The following DOCK1 variants were observed in gnomAD, a reference collection of about 807,000 sequenced individuals.
The protein encoded by DOCK1 is dedicator of cytokinesis protein 1.
DOCK1 carries 138 observed loss-of-function variants against 262.7 expected under a neutral mutation model. That is an observed-to-expected ratio of 0.53 (90% CI 0.46 to 0.61). The LOEUF (loss-of-function observed/expected upper bound fraction) is 0.61, where lower values mean the gene tolerates loss of function less well. DOCK1 is among the 20% of genes least tolerant of loss of function. The pLI, the probability that DOCK1 is intolerant of heterozygous loss-of-function variation, is 0.00. For synonymous variants in DOCK1, 866 were observed against 867.4 expected (o/e 1.00, Z 0.03); for missense variants, 1,908 against 2,370.7 (o/e 0.80, Z 4.05).
Position 127,245,472 on chromosome 10 carries a change from C to T in DOCK1, c.2848-2536C>T, listed in dbSNP as rs80035292. Among the ~76,000 whole-genome samples, 1,247 of 152,266 alleles carry T rather than the reference C, an allele frequency of 8.2e-3. 18 individuals are homozygous for T. The highest frequency in any genetic ancestry group is 0.028 in the African/African-American group (1,166 of 41,536). On this transcript the variant is annotated intron_variant, in intron 27 of 51. Coordinates refer to ENST00000623213, the MANE Select transcript of DOCK1 (RefSeq NM_001290223.2). ...TCCCCATCGCAGTTAAACAAGGGGC[C>T]GCGTGGTTGCCTTCTCTGATATGCT... is the stretch of plus-strand genomic sequence containing the variant.
At chr10:127,322,095 T>A (rs2062557786) in intron 29 of DOCK1, among the ~76,000 whole-genome samples, 1 of 150,968 alleles carries the variant, frequency 6.6e-6, no homozygotes, top group Admixed American at 6.6e-5. Flanking sequence ...AGAGCGAGAC[T>A]CTGTCTCAGA....
chr10:127,119,023 C>T (rs1020353875), intron 25 of DOCK1, among the ~76,000 whole-genome samples: 2 of 149,028 alleles, frequency 1.3e-5, no homozygotes, highest in African/African-American at 4.9e-5. Flanking sequence ...GTCCTTTACT[C>T]TGGGGGCTCC....
intron 23 of DOCK1, among the ~76,000 whole-genome samples, chr10:127,076,239 T>A (rs200568450): frequency 6.6e-6 from 1 of 152,142 alleles, no homozygotes; most frequent in Non-Finnish European, 1.5e-5. Flanking sequence ...CGGTGGCTCG[T>A]GCCTGTAATC....
intron 1 of DOCK1, among the ~76,000 whole-genome samples, chr10:126,951,813 A>C (rs1234010726): frequency 5.9e-5 from 9 of 151,652 alleles, no homozygotes; most frequent in Non-Finnish European, 4.4e-5. Flanking sequence ...TTGGGTGTAC[A>C]CTGAGTAAAT....
chr10:127,280,035 A>ATATATATATATATATAT (rs2060894873), intron 29 of DOCK1, among the ~76,000 whole-genome samples: 2 of 59,788 alleles, frequency 3.3e-5, no homozygotes, highest in African/African-American at 1.5e-4. Context: ...TATATATATA[A>ATATATATATATATATAT]TTTTTTTTTT....
At chr10:127,039,915 A>G (rs2043906790) in intron 19 of DOCK1, among the ~76,000 whole-genome samples, 2 of 152,174 alleles carry the variant, frequency 1.3e-5, no homozygotes, top group South Asian at 2.1e-4. Flanking sequence ...ATGGTCTTAG[A>G]GAGAGGGTGG....
rs1013005877 is a variant in DOCK1 at position 127,451,624 on chromosome 10, G to A, written c.*197G>A. 7.4e-7 allele frequency: 1 copy of A among 1,349,886 alleles called. No homozygotes were observed. Among genetic ancestry groups the A allele is most frequent in the African/African-American group, 1.5e-5 (1 of 68,526 alleles). 83.6% of individuals were successfully genotyped at this position (1,349,886 alleles called of 1,614,324 possible). A position where few individuals can be genotyped will look rare whatever the true frequency, so the allele number is the denominator to read the frequency against. ...GCGTCATGGAGCAAGGTGGGTCTGG[G>A]AGGTAGATATGGGTCCGGGATGTGC... is the stretch of plus-strand genomic sequence containing the variant. On this transcript the variant is annotated 3_prime_UTR_variant, in exon 52 of 52. Transcript: ENST00000623213.
intron 4 of DOCK1, among the ~76,000 whole-genome samples, chr10:126,987,228 C>T (rs757159010): frequency 6.6e-6 from 1 of 152,152 alleles, no homozygotes; most frequent in Non-Finnish European, 1.5e-5. Context: ...CAGACCTTGA[C>T]ATTCTGTAGA....
intron 25 of DOCK1, among the ~76,000 whole-genome samples, chr10:127,116,540 A>G (rs540988505): frequency 6.6e-6 from 1 of 152,264 alleles, no homozygotes; most frequent in South Asian, 2.1e-4. Flanking sequence ...TATATCTCAA[A>G]AATTACCCTA....
chr10:127,239,011 A>G (rs2059169576), intron 27 of DOCK1, among the ~76,000 whole-genome samples: 1 of 152,224 alleles, frequency 6.6e-6, no homozygotes, highest in Non-Finnish European at 1.5e-5. Flanking sequence ...GGGTGGAAGT[A>G]GAACCTCAGT....
rs1317939234 is a variant in DOCK1 at position 127,390,025 on chromosome 10, A to G, written c.3927+5116A>G. Among the ~76,000 whole-genome samples the G allele has an allele frequency of 1.0e-4, 15 of 149,008 alleles. No homozygotes were observed. In the East Asian group the frequency reaches 2.4e-3, roughly 23 times the overall value. On this transcript the variant is annotated intron_variant, in intron 38 of 51. Coordinates refer to ENST00000623213, the MANE Select transcript of DOCK1 (RefSeq NM_001290223.2). The stretch of plus-strand genomic sequence containing the variant: ...ACTCTGTCTCAAACAAAAAAAAAAA[A>G]GAGGGGCTGTGAGACCTCCCTGCCT...
intron 1 of DOCK1, among the ~76,000 whole-genome samples, chr10:126,963,644 T>C (rs1416100752): frequency 1.2e-3 from 79 of 64,940 alleles, no homozygotes; most frequent in Admixed American, 2.5e-3. Context: ...CCTTCCCTCC[T>C]TCCTTCCTTC....
At chr10:127,111,153 T>A (rs1439797009) in intron 25 of DOCK1, among the ~76,000 whole-genome samples, 1 of 152,246 alleles carries the variant, frequency 6.6e-6, no homozygotes, top group African/African-American at 2.4e-5. Flanking sequence ...GATGTCCCTG[T>A]TAAGTTACGG....
chr10:127,078,578 G>A (rs1212830013), intron 23 of DOCK1, among the ~76,000 whole-genome samples: 9 of 152,138 alleles, frequency 5.9e-5, no homozygotes, highest in African/African-American at 1.4e-4. Flanking sequence ...CTTTGGATCC[G>A]GCAATCCCAT....
At chr10:127,182,234 G>A (rs2055805619) in intron 27 of DOCK1, among the ~76,000 whole-genome samples, 1 of 152,156 alleles carries the variant, frequency 6.6e-6, no homozygotes, top group African/African-American at 2.4e-5. Flanking sequence ...TAGGCATCGA[G>A]GCAGAAGAAA....
chr10:127,037,441 G>GA (rs2043713315), intron 18 of DOCK1, among the ~76,000 whole-genome samples: 1 of 152,352 alleles, frequency 6.6e-6, no homozygotes, highest in African/African-American at 2.4e-5. Context: ...CTGTAGAATG[G>GA]AAAGACAAGT....
chr10:127,225,236 A>G (rs1012416443), intron 27 of DOCK1, among the ~76,000 whole-genome samples: 1 of 152,204 alleles, frequency 6.6e-6, no homozygotes, highest in African/African-American at 2.4e-5. Context: ...GGTGTTTTAT[A>G]TATATATTTA....
At chr10:127,209,869 C>T (rs995073251) in intron 27 of DOCK1, among the ~76,000 whole-genome samples, 2 of 152,140 alleles carry the variant, frequency 1.3e-5, no homozygotes, top group Admixed American at 1.3e-4. Flanking sequence ...CACCTAAATA[C>T]GCAGAATCTC....
intron 27 of DOCK1, among the ~76,000 whole-genome samples, chr10:127,161,247 A>G (rs1051639959): frequency 2.6e-5 from 4 of 152,238 alleles, no homozygotes; most frequent in African/African-American, 9.6e-5. Flanking sequence ...GAGCTGTTAA[A>G]TGCTAGAATT....
Sources: gnomAD v4.1 joint callset for allele counts (sites outside exome capture counted in the v4.1 genomes callset) on GRCh38, gnomAD v4.1.1 for gene constraint, MANE v1.5 for transcripts, NCBI Gene and HGNC (gene_info 2026-07-23, HGNC 2026-07-21) for gene names.